Variants in OSBPL11 observed in about 807,000 individuals in gnomAD.
The protein encoded by OSBPL11 is oxysterol binding protein like 11.
In OSBPL11, 33 loss-of-function variants were observed where a neutral mutation model predicts 84.4. The ratio of observed to expected loss-of-function variants is 0.39; its 90% CI spans 0.30 to 0.52. The LOEUF is 0.52. Among genes scored for constraint, OSBPL11 ranks in the 20% least tolerant of loss-of-function variants. The probability of loss-of-function intolerance (pLI) is 0.72; values close to 1 mark genes in which losing one functional copy is unlikely to be tolerated. For synonymous variants in OSBPL11, 276 were observed against 310.2 expected (o/e 0.89, Z 1.16); for missense variants, 736 against 901.1 (o/e 0.82, Z 2.35).
intron 5 of OSBPL11, among the ~76,000 whole-genome samples, chr3:125,574,957 G>A (rs905752792): frequency 2.6e-4 from 40 of 152,032 alleles, no homozygotes; most frequent in Non-Finnish European, 1.9e-4. Flanking sequence ...GATTCCACAC[G>A]GCATCTAACA....
chr3:125,577,475 A>G (rs1162117123), intron 4 of OSBPL11, among the ~76,000 whole-genome samples: 1 of 152,204 alleles, frequency 6.6e-6, no homozygotes, highest in African/African-American at 2.4e-5. Context: ...CATATCCACT[A>G]AGATAACCAT....
Position 125,538,564 on chromosome 3 carries a change from A to T in OSBPL11, c.1911T>A (p.Ser637Arg). ...CATTGCTATATGTGAACTCAAGAAC[A>T]CTATTCCATTCCCCTTGCACTCTGC... is the stretch of plus-strand genomic sequence containing the variant. The part of the protein sequence containing the change: ...VVCRVQGEWN[S>R]VLEFTYSNGE... Residue 637 changes from serine to arginine, a missense_variant, in exon 11 of 13, where the codon AGT becomes AGA. Ser to Arg is a moderately radical substitution (Grantham distance 110). Coordinates refer to ENST00000296220, the MANE Select transcript of OSBPL11 (RefSeq NM_022776.5). 1.9e-6 allele frequency: 3 copies of T among 1,614,148 alleles called. 1 individual carries two copies. Among genetic ancestry groups the T allele is most frequent in the South Asian group, 2.2e-5 (2 of 91,080 alleles).
intron 11 of OSBPL11, among the ~76,000 whole-genome samples, chr3:125,536,132 C>CA (rs35385096): frequency 0.034 from 3,471 of 102,350 alleles, 122 homozygotes; most frequent in Middle Eastern, 0.09. Context: ...GAGTCCATCT[C>CA]AAAAAAAAAA....
chr3:125,539,345 A>C (rs919954310), intron 10 of OSBPL11, among the ~76,000 whole-genome samples: 18 of 109,634 alleles, frequency 1.6e-4, no homozygotes, highest in East Asian at 8.3e-4. Flanking sequence ...ATATATATAT[A>C]ATAGCTATAT....
chr3:125,548,468 AGTG>A (rs1463226650), intron 9 of OSBPL11, among the ~76,000 whole-genome samples: 2 of 152,142 alleles, frequency 1.3e-5, no homozygotes, highest in Non-Finnish European at 2.9e-5. Flanking sequence ...AAGAGATAAT[AGTG>A]GTGGTTTTCA....
chr3:125,550,968 TG>T (rs1163256259), intron 9 of OSBPL11, among the ~76,000 whole-genome samples: 1 of 152,078 alleles, frequency 6.6e-6, no homozygotes, highest in Non-Finnish European at 1.5e-5. Context: ...ATGACCAGCC[TG>T]GGCAACATAT....
chr3:125,578,340 G>A (rs1936363034), intron 4 of OSBPL11, among the ~76,000 whole-genome samples: 1 of 152,144 alleles, frequency 6.6e-6, no homozygotes, highest in African/African-American at 2.4e-5. Context: ...CCATGGAATA[G>A]AAAAGAGAGT....
chr3:125,578,560 ATTTTTAGTAAAGAAACAACTT>A (rs1415323829), intron 4 of OSBPL11, among the ~76,000 whole-genome samples: 2 of 152,212 alleles, frequency 1.3e-5, no homozygotes, highest in Non-Finnish European at 2.9e-5. Context: ...CCTGGCCAAC[ATTTTTAGTAAAGAAACAACTT>A]TTTTTAGTAA....
At chr3:125,574,270 G>GAA (rs777071678) in intron 5 of OSBPL11, among the ~76,000 whole-genome samples, 3 of 119,236 alleles carry the variant, frequency 2.5e-5, no homozygotes, top group African/African-American at 3.1e-5. Context: ...GAACTCACAG[G>GAA]AAAAAAAAAA....
intron 1 of OSBPL11, among the ~76,000 whole-genome samples, chr3:125,590,517 C>T (rs1394467040): frequency 2.0e-5 from 3 of 151,822 alleles, no homozygotes; most frequent in Non-Finnish European, 2.9e-5. Flanking sequence ...GATCTGCCAC[C>T]GCACTCCAGC....
intron 11 of OSBPL11, among the ~76,000 whole-genome samples, chr3:125,536,132 C>CAAAA (rs35385096): frequency 0.1 from 10,336 of 102,020 alleles, 869 homozygotes; most frequent in African/African-American, 0.25. Context: ...GAGTCCATCT[C>CAAAA]AAAAAAAAAA....
intron 10 of OSBPL11, among the ~76,000 whole-genome samples, chr3:125,539,344 T>TAA (rs1553732063): frequency 6.2e-4 from 65 of 104,982 alleles, no homozygotes; most frequent in East Asian, 5.8e-3. Flanking sequence ...TATATATATA[T>TAA]AATAGCTATA....
chr3:125,593,195 C>G lies in OSBPL11; in HGVS notation c.164+1442G>C, dbSNP rs114577149. Among the ~76,000 whole-genome samples the G allele has an allele frequency of 5.4e-3, 816 of 152,236 alleles. 7 individuals are homozygous for G. Among genetic ancestry groups the G allele is most frequent in the African/African-American group, 0.018 (764 of 41,548 alleles). On this transcript the variant is annotated intron_variant, in intron 1 of 12. Transcript: ENST00000296220. The stretch of plus-strand genomic sequence containing the variant: ...CATAGCAGGTCAGGACGAAGCGCCA[C>G]GGACAGGGGACCCGCGGCCCCTGCC...
At chr3:125,572,852 T>G (rs1350564547) in intron 5 of OSBPL11, among the ~76,000 whole-genome samples, 1 of 145,842 alleles carries the variant, frequency 6.9e-6, no homozygotes, top group African/African-American at 2.5e-5. Context: ...TTTATTTATA[T>G]ATATTTATAT....
chr3:125,579,990 TCA>T lies in OSBPL11; in HGVS notation c.282_283del (p.Asn94LysfsTer4). The T allele has an allele frequency of 6.2e-7, 1 of 1,614,190 alleles. No individual in the cohort carries two copies. The highest frequency in any genetic ancestry group is 8.5e-7 in the Non-Finnish European group (1 of 1,180,016). ...TCTAGGTTTCTGATTTCTAGACTGT[TCA>T]TTCACAAAGTACTCCAACAGCCCAG... On this transcript the variant is annotated frameshift_variant, in exon 3 of 13. Transcript: ENST00000296220. LOFTEE classifies it high-confidence loss of function.
chr3:125,562,231 C>T (rs34494344), intron 7 of OSBPL11, among the ~76,000 whole-genome samples: 10,198 of 152,246 alleles, frequency 0.067, 469 homozygotes, highest in Non-Finnish European at 0.098. Flanking sequence ...ATATTATCAT[C>T]TCATTTTAGT....
intron 9 of OSBPL11, among the ~76,000 whole-genome samples, chr3:125,551,410 C>T (rs577401966): frequency 1.3e-5 from 2 of 151,782 alleles, no homozygotes; most frequent in East Asian, 1.9e-4. Flanking sequence ...TATATGGATG[C>T]AGGCATTACA....
chr3:125,569,128 T>C (rs749242284), intron 5 of OSBPL11, among the ~76,000 whole-genome samples: 1 of 152,068 alleles, frequency 6.6e-6, no homozygotes, highest in African/African-American at 2.4e-5. Context: ...GTATTTTTTT[T>C]AGTAGAGACA....
chr3:125,531,812 T>TA lies in OSBPL11; in HGVS notation c.2178+48_2178+49insT, dbSNP rs774302069. The TA allele has an allele frequency of 5.9e-6, 9 of 1,532,536 alleles. No individual in the cohort carries two copies. In the African/African-American group the frequency reaches 1.3e-4, roughly 21 times the overall value. The allele number at this position is 1,532,536 out of a possible 1,614,324, so 94.9% of individuals were successfully genotyped here. A position where few individuals can be genotyped will look rare whatever the true frequency, so the allele number is the denominator to read the frequency against. ...TTCAACAAAGCCTAGTAAGCTAAAG[T>TA]TCTCAGCCAAGTAGATACATTTTTA... On this transcript the variant is annotated intron_variant, in intron 12 of 12. Transcript: ENST00000296220.
Sources: allele counts gnomAD v4.1 joint callset (sites outside exome capture counted in the v4.1 genomes callset), GRCh38; gene constraint gnomAD v4.1.1; transcripts MANE v1.5; gene names NCBI Gene and HGNC (gene_info 2026-07-23, HGNC 2026-07-21).